The following CNTN5 variants were observed in gnomAD, a reference collection of about 807,000 sequenced individuals.
The protein encoded by CNTN5 is contactin-5.
Under a neutral mutation model 129.1 loss-of-function variants are expected in CNTN5, and 77 were observed. That is an observed-to-expected ratio of 0.60 (90% confidence interval 0.50 to 0.72). The LOEUF is 0.72. CNTN5 is among the 30% of genes least tolerant of loss of function. The probability of loss-of-function intolerance (pLI) is 0.00; values close to 1 mark genes in which losing one functional copy is unlikely to be tolerated. For synonymous variants in CNTN5, 509 were observed against 465.6 expected (o/e 1.09, Z -1.20); for missense variants, 1,478 against 1,328.8 (o/e 1.11, Z -1.75).
intron 1 of CNTN5, among the ~76,000 whole-genome samples, chr11:99,134,712 T>G (rs1351833696): frequency 6.6e-6 from 1 of 151,484 alleles, no homozygotes. Flanking sequence ...CAGTAAAATT[T>G]TATTAAAATG....
At chr11:100,088,714 G>A (rs1944646240) in intron 13 of CNTN5, among the ~76,000 whole-genome samples, 3 of 152,030 alleles carry the variant, frequency 2.0e-5, no homozygotes, top group South Asian at 2.1e-4. Flanking sequence ...GAACAGACCA[G>A]TATCCAGTTC....
At chr11:99,135,385 C>T (rs1859166223) in intron 1 of CNTN5, among the ~76,000 whole-genome samples, 1 of 151,948 alleles carries the variant, frequency 6.6e-6, no homozygotes, top group South Asian at 2.1e-4. Context: ...AGAAGTCAAC[C>T]ATGTAAAAGG....
At chr11:100,108,506 A>C (rs1381414785) in intron 13 of CNTN5, among the ~76,000 whole-genome samples, 1 of 152,138 alleles carries the variant, frequency 6.6e-6, no homozygotes, top group East Asian at 1.9e-4. Context: ...GAACTAATAA[A>C]TCTATATAAT....
chr11:99,185,287 AT>A (rs34326102), intron 1 of CNTN5, among the ~76,000 whole-genome samples: 139,338 of 151,660 alleles, frequency 0.92, 64,101 homozygotes, highest in East Asian at 1. Flanking sequence ...ATAACTAAAG[AT>A]TTTTTTTATT....
intron 17 of CNTN5, among the ~76,000 whole-genome samples, chr11:100,266,804 C>A (rs1173848004): frequency 1.3e-5 from 2 of 151,878 alleles, no homozygotes; most frequent in Non-Finnish European, 2.9e-5. Flanking sequence ...ATAATTACAT[C>A]AAGATTCAAG....
chr11:99,933,298 CTTTGT>C (rs1017631243), intron 7 of CNTN5, among the ~76,000 whole-genome samples: 1 of 152,016 alleles, frequency 6.6e-6, no homozygotes, highest in African/African-American at 2.4e-5. Flanking sequence ...ACCCTTTTCT[CTTTGT>C]TTTATGTCAC....
intron 7 of CNTN5, among the ~76,000 whole-genome samples, chr11:99,947,375 A>C (rs1219788842): frequency 6.6e-6 from 1 of 151,386 alleles, no homozygotes; most frequent in African/African-American, 2.4e-5. Flanking sequence ...GGTGAGCAAT[A>C]GGGACAAATT....
At chr11:100,243,665 C>A (rs897582156) in intron 16 of CNTN5, among the ~76,000 whole-genome samples, 1 of 152,126 alleles carries the variant, frequency 6.6e-6, no homozygotes, top group Non-Finnish European at 1.5e-5. Flanking sequence ...CATGAGCAAA[C>A]CATAAGGCAT....
intron 10 of CNTN5, among the ~76,000 whole-genome samples, chr11:100,069,385 G>A (rs1943817535): frequency 6.6e-6 from 1 of 151,852 alleles, no homozygotes; most frequent in Admixed American, 6.6e-5. Flanking sequence ...GAACTCCCAG[G>A]CTAAAGTAAT....
intron 1 of CNTN5, among the ~76,000 whole-genome samples, chr11:99,061,262 T>C (rs1310824898): frequency 1.3e-5 from 2 of 152,108 alleles, no homozygotes; most frequent in East Asian, 3.9e-4. Context: ...ATATGAAAAT[T>C]TGTTTCAAGA....
chr11:99,541,301 T>G (rs921561592), intron 2 of CNTN5, among the ~76,000 whole-genome samples: 2 of 152,224 alleles, frequency 1.3e-5, no homozygotes, highest in Non-Finnish European at 2.9e-5. Flanking sequence ...AGGTTTTCTA[T>G]GTTCTAACAC....
At chr11:100,050,780 A>G (rs1029152401) in intron 9 of CNTN5, among the ~76,000 whole-genome samples, 2 of 152,116 alleles carry the variant, frequency 1.3e-5, no homozygotes, top group African/African-American at 4.8e-5. Context: ...TCATCATAGG[A>G]ATGTTGAAGA....
chr11:99,101,734 T>C (rs980927976), intron 1 of CNTN5, among the ~76,000 whole-genome samples: 1 of 152,200 alleles, frequency 6.6e-6, no homozygotes, highest in African/African-American at 2.4e-5. Context: ...CTTTGCAGGA[T>C]AGAGCCTGCC....
intron 3 of CNTN5, among the ~76,000 whole-genome samples, chr11:99,717,251 T>C (rs1955278729): frequency 6.6e-6 from 1 of 152,108 alleles, no homozygotes; most frequent in Non-Finnish European, 1.5e-5. Context: ...GAGAATATGT[T>C]AATCCAAGAT....
chr11:99,944,017 G>T (rs1233475635), intron 7 of CNTN5, among the ~76,000 whole-genome samples: 2 of 150,244 alleles, frequency 1.3e-5, no homozygotes, highest in Non-Finnish European at 3.0e-5. Context: ...GGCTATAGGG[G>T]CTCTTCTTTG....
At chr11:99,139,093 C>G (rs1042046100) in intron 1 of CNTN5, among the ~76,000 whole-genome samples, 2 of 14,580 alleles carry the variant, frequency 1.4e-4, no homozygotes, top group Non-Finnish European at 2.5e-4. Context: ...CATCTCTACC[C>G]CCTCCCCACC....
intron 3 of CNTN5, among the ~76,000 whole-genome samples, chr11:99,715,650 T>C (rs572184194): frequency 1.3e-5 from 2 of 152,146 alleles, no homozygotes; most frequent in East Asian, 3.9e-4. Flanking sequence ...CAGGAATTTT[T>C]TATTTATCAT....
chr11:99,863,258 AG>A (rs1220718071), intron 6 of CNTN5, among the ~76,000 whole-genome samples: 1 of 152,162 alleles, frequency 6.6e-6, no homozygotes, highest in Non-Finnish European at 1.5e-5. Flanking sequence ...TTCTCTCCAT[AG>A]AAGGACAAAG....
At chr11:99,913,235 A>G (rs901146252) in intron 6 of CNTN5, among the ~76,000 whole-genome samples, 15 of 152,014 alleles carry the variant, frequency 9.9e-5, no homozygotes, top group Admixed American at 3.3e-4. Flanking sequence ...CACTCAGGCT[A>G]TTCAGTCTAA....
Sources: gnomAD v4.1 joint callset for allele counts (sites outside exome capture counted in the v4.1 genomes callset) on GRCh38, gnomAD v4.1.1 for gene constraint, MANE v1.5 for transcripts, NCBI Gene and HGNC (gene_info 2026-07-23, HGNC 2026-07-21) for gene names.